The following PRKD1 variants were observed in gnomAD, a reference collection of about 807,000 sequenced individuals.
The protein encoded by PRKD1 is protein kinase D1.
Under a neutral mutation model 95.9 loss-of-function variants are expected in PRKD1, and 63 were observed. The observed-to-expected ratio is 0.66, with a 90% confidence interval of 0.54 to 0.81. The LOEUF (loss-of-function observed/expected upper bound fraction) is 0.81, where lower values mean the gene tolerates loss of function less well. Ranked by LOEUF, PRKD1 falls within the 30% of genes least tolerant of loss-of-function variation. The pLI, the probability that PRKD1 is intolerant of heterozygous loss-of-function variation, is 0.00. For missense variants in PRKD1, 1,048 were observed against 1,165.3 expected, an observed-to-expected ratio of 0.90 and a Z score of 1.47; for synonymous variants, 425 against 423.1, an observed-to-expected ratio of 1.00 and a Z score of -0.05.
intron 1 of PRKD1, among the ~76,000 whole-genome samples, chr14:29,882,185 T>G (rs1387824617): frequency 6.6e-6 from 1 of 152,268 alleles, no homozygotes; most frequent in Non-Finnish European, 1.5e-5. Flanking sequence ...AAATACATAT[T>G]TGAATATTGT....
At chr14:29,736,393 C>T (rs1291938931) in intron 1 of PRKD1, among the ~76,000 whole-genome samples, 1 of 152,080 alleles carries the variant, frequency 6.6e-6, no homozygotes, top group Non-Finnish European at 1.5e-5. Flanking sequence ...CAATGCCTGA[C>T]AACTGAAAAG....
At chr14:29,751,366 A>T (rs1001625909) in intron 1 of PRKD1, among the ~76,000 whole-genome samples, 1 of 152,172 alleles carries the variant, frequency 6.6e-6, no homozygotes, top group African/African-American at 2.4e-5. Flanking sequence ...GCTTCTGGGG[A>T]ATCTTTTTCC....
intron 1 of PRKD1, among the ~76,000 whole-genome samples, chr14:29,775,057 T>A (rs1888674554): frequency 6.6e-6 from 1 of 152,086 alleles, no homozygotes. Flanking sequence ...ATAGAAGAGT[T>A]TGTATCGAGG....
chr14:29,911,687 A>G (rs1029519568), intron 1 of PRKD1, among the ~76,000 whole-genome samples: 3 of 152,210 alleles, frequency 2.0e-5, no homozygotes, highest in South Asian at 2.1e-4. Context: ...TGAGTGTGAC[A>G]TATTAGTTTC....
chr14:29,671,707 A>G (rs907943081), intron 2 of PRKD1, among the ~76,000 whole-genome samples: 1 of 152,216 alleles, frequency 6.6e-6, no homozygotes, highest in Non-Finnish European at 1.5e-5. Context: ...AATGAATTAT[A>G]GATGAGTACT....
At chr14:29,920,587 TACACACAC>T (rs5807556) in intron 1 of PRKD1, among the ~76,000 whole-genome samples, 39 of 141,380 alleles carry the variant, frequency 2.8e-4, no homozygotes, top group Non-Finnish European at 3.7e-4. Flanking sequence ...TCCAGTCTAA[TACACACAC>T]ACACACACAC....
chr14:29,744,584 T>C (rs1348498068), intron 1 of PRKD1, among the ~76,000 whole-genome samples: 5 of 152,154 alleles, frequency 3.3e-5, no homozygotes, highest in African/African-American at 7.2e-5. Flanking sequence ...TTCACCCTTT[T>C]TGCCCAGGCT....
chr14:29,817,440 T>C (rs1011181237), intron 1 of PRKD1, among the ~76,000 whole-genome samples: 1 of 152,158 alleles, frequency 6.6e-6, no homozygotes, highest in African/African-American at 2.4e-5. Context: ...CACTAACTCA[T>C]ACCACAAGGG....
intron 1 of PRKD1, among the ~76,000 whole-genome samples, chr14:29,843,587 T>C (rs1447927617): frequency 3.9e-5 from 6 of 152,210 alleles, no homozygotes; most frequent in Non-Finnish European, 7.3e-5. Flanking sequence ...AACATTTTTA[T>C]GCATTCAAAA....
chr14:29,699,376 T>G (rs1207230301), intron 2 of PRKD1, among the ~76,000 whole-genome samples: 1 of 152,192 alleles, frequency 6.6e-6, no homozygotes, highest in Admixed American at 6.5e-5. Flanking sequence ...AAGATTAATT[T>G]GCACTTTGTA....
intron 1 of PRKD1, among the ~76,000 whole-genome samples, chr14:29,793,763 G>GA (rs1195256129): frequency 2.6e-4 from 39 of 152,094 alleles, no homozygotes; most frequent in Non-Finnish European, 4.4e-5. Flanking sequence ...TTTACCCACA[G>GA]AAAAGGAAAT....
At chr14:29,735,689 C>T (rs551219720) in intron 1 of PRKD1, among the ~76,000 whole-genome samples, 5 of 152,278 alleles carry the variant, frequency 3.3e-5, no homozygotes, top group African/African-American at 7.2e-5. Context: ...ATTCCAGTGC[C>T]GTCTGATGTC....
At chr14:29,853,495 C>T (rs1892382140) in intron 1 of PRKD1, among the ~76,000 whole-genome samples, 1 of 152,124 alleles carries the variant, frequency 6.6e-6, no homozygotes, top group African/African-American at 2.4e-5. Context: ...GAAACCAAGG[C>T]CCACAAAATA....
intron 9 of PRKD1, 66 bp from the exon 10 acceptor site, chr14:29,631,087 T>C: frequency 1.4e-6 from 2 of 1,420,714 alleles, no homozygotes; most frequent in Non-Finnish European, 1.9e-6. Flanking sequence ...AGAAAATTCA[T>C]GCCAAGAACA....
chr14:29,584,386 A>C (rs1468963429), intron 16 of PRKD1, among the ~76,000 whole-genome samples: 1 of 152,152 alleles, frequency 6.6e-6, no homozygotes, highest in African/African-American at 2.4e-5. Context: ...AACTGGACAT[A>C]TTTAAATTCT....
At chr14:29,704,939 G>C (rs569153356) in intron 2 of PRKD1, among the ~76,000 whole-genome samples, 1 of 151,994 alleles carries the variant, frequency 6.6e-6, no homozygotes, top group African/African-American at 2.4e-5. Flanking sequence ...TGTGATATTT[G>C]TCCTATCAAG....
intron 2 of PRKD1, among the ~76,000 whole-genome samples, chr14:29,707,879 G>A (rs1885165066): frequency 6.6e-6 from 1 of 152,036 alleles, no homozygotes. Flanking sequence ...TGGCCCCTGG[G>A]ATACATCTTT....
intron 2 of PRKD1, among the ~76,000 whole-genome samples, chr14:29,699,298 T>A (rs1884703931): frequency 6.6e-6 from 1 of 152,228 alleles, no homozygotes; most frequent in Non-Finnish European, 1.5e-5. Context: ...AGGCTGCATA[T>A]TTCCCTGTAC....
intron 1 of PRKD1, among the ~76,000 whole-genome samples, chr14:29,790,258 C>T (rs1400240541): frequency 3.3e-5 from 5 of 151,726 alleles, no homozygotes; most frequent in African/African-American, 1.2e-4. Context: ...GACCTGCCCG[C>T]CTCAGCCTCC....
Sources: allele counts gnomAD v4.1 joint callset (sites outside exome capture counted in the v4.1 genomes callset), GRCh38; gene constraint gnomAD v4.1.1; transcripts MANE v1.5; gene names NCBI Gene and HGNC (gene_info 2026-07-23, HGNC 2026-07-21).